The following KNDC1 variants were observed in gnomAD, a reference collection of about 807,000 sequenced individuals.
KNDC1 encodes kinase non-catalytic C-lobe domain containing 1.
A neutral mutation model predicts 172.8 loss-of-function variants in KNDC1; 106 were observed. The ratio of observed to expected loss-of-function variants is 0.61; its 90% CI spans 0.52 to 0.72. KNDC1 has a LOEUF of 0.72. Ranked by LOEUF, KNDC1 falls within the 30% of genes least tolerant of loss-of-function variation. The pLI, the probability that KNDC1 is intolerant of heterozygous loss-of-function variation, is 0.00. For synonymous variants in KNDC1, 1,083 were observed against 1,062.2 expected, an observed-to-expected ratio of 1.02 and a Z score of -0.38; for missense variants, 2,325 against 2,394.5, an observed-to-expected ratio of 0.97 and a Z score of 0.61.
chr10:133,167,705 G>A (rs1464222925), intron 2 of KNDC1, 126 bp downstream of exon 2: 1 of 1,063,378 alleles, frequency 9.4e-7, no homozygotes, highest in Non-Finnish European at 1.4e-6. Flanking sequence ...GGTTTCCTGT[G>A]GAGACCTTCT....
Position 133,224,958 on chromosome 10 carries a change from A to G in KNDC1, c.*68A>G. On this transcript the variant is annotated 3_prime_UTR_variant, in exon 30 of 30. Coordinates refer to ENST00000304613, the MANE Select transcript of KNDC1 (RefSeq NM_152643.8). The surrounding 1 kb of genome is among the most constrained non-coding windows in gnomAD (Gnocchi z 5.4). ...TGTGGGGGGCGGGCTGGGAGGTGGGAGCCGCGTCTCAGGCCCGGCCGTTAT... is the reference window on the plus strand; with the variant it reads ...TGTGGGGGGCGGGCTGGGAGGTGGGGGCCGCGTCTCAGGCCCGGCCGTTAT... The G allele has an allele frequency of 4.1e-5, 53 of 1,305,234 alleles. No individual in the cohort carries two copies. Among genetic ancestry groups the G allele is most frequent in the Non-Finnish European group, 4.9e-5 (45 of 919,928 alleles). 80.9% of individuals were successfully genotyped at this position (1,305,234 alleles called of 1,614,324 possible). A position where few individuals can be genotyped will look rare whatever the true frequency, so the allele number is the denominator to read the frequency against.
Position 133,189,658 on chromosome 10 carries a change from C to T in KNDC1, c.1502C>T (p.Pro501Leu), listed in dbSNP as rs1457542568. The T allele has an allele frequency of 2.5e-6, 4 of 1,613,830 alleles. No individual in the cohort carries two copies. The highest frequency in any genetic ancestry group is 2.7e-5 in the African/African-American group (2 of 74,928). ...GACGGGGCTGTGCTCTTCCAGCCAC[C>T]CCCTGCCAACGGTGAGTGTGTGGGT... is the stretch of plus-strand genomic sequence containing the variant. ...AEDGAVLFQP[P>L]PANGSYDSFF... Residue 501 changes from proline to leucine, a missense_variant, in exon 8 of 30, where the codon CCC (proline) becomes CTC (leucine). By Grantham distance (98) the Pro-to-Leu change is moderately conservative. Coordinates refer to ENST00000304613, the MANE Select transcript of KNDC1 (RefSeq NM_152643.8).
Position 133,186,403 on chromosome 10 carries a change from T to C in KNDC1, c.1055T>C (p.Leu352Pro). Residue 352 changes from leucine (L) to proline (P), a missense_variant, in exon 6 of 30, where the codon CTT (leucine) becomes CCT (proline). Transcript: ENST00000304613. ...GCCTTTCTGGACAGGAAAAATGGCC[T>C]TTCTAGCTTCCAGGCTCAGCCCAAA... ...RKAFLDRKNG[L>P]SSFQAQPKCR... The C allele has an allele frequency of 6.2e-7, 1 of 1,612,738 alleles. No homozygotes were observed. Among genetic ancestry groups the C allele is most frequent in the Non-Finnish European group, 8.5e-7 (1 of 1,179,936 alleles).
chr10:133,189,346 G>C (rs936396686), intron 7 of KNDC1, among the ~76,000 whole-genome samples: 1 of 152,228 alleles, frequency 6.6e-6, no homozygotes, highest in Non-Finnish European at 1.5e-5. Flanking sequence ...CTCCCTTTCA[G>C]CCGCAGATAT....
intron 3 of KNDC1, among the ~76,000 whole-genome samples, chr10:133,174,430 A>G (rs4240519): frequency 0.79 from 74,425 of 93,732 alleles, 31,391 homozygotes; most frequent in Middle Eastern, 0.91. Flanking sequence ...CTTCCAACAC[A>G]GAAGGAAGGG....
chr10:133,200,670 G>A (rs1240065634), intron 16 of KNDC1, among the ~76,000 whole-genome samples: 1 of 152,122 alleles, frequency 6.6e-6, no homozygotes, highest in Admixed American at 6.5e-5. Context: ...CCCAGCCAAA[G>A]GCCGTCCTCT....
At chr10:133,198,246 G>A in intron 12 of KNDC1, 91 bp from the exon 13 acceptor site, 2 of 1,400,436 alleles carry the variant, frequency 1.4e-6, no homozygotes, top group East Asian at 2.5e-5. Flanking sequence ...CACGCACTGG[G>A]TGGGATGAGC....
intron 3 of KNDC1, 147 bp downstream of exon 3, chr10:133,168,459 GC>G (rs1361893049): frequency 1.2e-6 from 1 of 813,086 alleles, no homozygotes; most frequent in Non-Finnish European, 2.1e-6. Flanking sequence ...GGTTCACTGG[GC>G]TATAGGGACG....
intron 29 of KNDC1, among the ~76,000 whole-genome samples, chr10:133,222,528 C>G (rs11816299): frequency 9.7e-5 from 4 of 41,414 alleles, no homozygotes; most frequent in Admixed American, 2.6e-4. Flanking sequence ...CAGGCATGCT[C>G]TTCCCGGCGT....
intron 21 of KNDC1, among the ~76,000 whole-genome samples, chr10:133,211,154 G>A (rs1030712195): frequency 6.6e-6 from 1 of 152,002 alleles, no homozygotes; most frequent in Non-Finnish European, 1.5e-5. Context: ...AGGGGGGAGG[G>A]GCTCTGCCTC....
intron 20 of KNDC1, 54 bp from the exon 21 acceptor site, chr10:133,210,557 A>G: frequency 9.5e-7 from 1 of 1,049,678 alleles, no homozygotes; most frequent in Non-Finnish European, 1.5e-6. Flanking sequence ...ACACTAGCCG[A>G]GCCCTGGGGT....
At chr10:133,195,903 G>A (rs1854178355) in intron 10 of KNDC1, 82 bp downstream of exon 10, 2 of 1,347,502 alleles carry the variant, frequency 1.5e-6, no homozygotes, top group South Asian at 1.5e-5. Flanking sequence ...GGGGGTGGAG[G>A]AGCACGGGCT....
intron 3 of KNDC1, among the ~76,000 whole-genome samples, chr10:133,177,526 A>G (rs1160104170): frequency 8.3e-6 from 1 of 120,874 alleles, no homozygotes; most frequent in Non-Finnish European, 1.9e-5. Flanking sequence ...ATGTGTGTGC[A>G]TGCACATAGT....
rs752822882 is a variant in KNDC1 at position 133,211,792 on chromosome 10, C to T, written c.4170C>T (p.Ala1390=). Residue 1390 remains alanine, a synonymous_variant, in exon 23 of 30, where the codon GCC becomes GCT. Coordinates refer to ENST00000304613, the MANE Select transcript of KNDC1 (RefSeq NM_152643.8). The part of the protein sequence containing the change: ...RGTDLENPRE[A]EEDARPFNAL... ...CAGACCTGGAGAACCCCAGGGAGGC[C>T]GAGGAGGATGCCAGACCCTTCAACG... 1.4e-5 allele frequency: 22 copies of T among 1,610,690 alleles called. No homozygotes were observed. The highest frequency in any genetic ancestry group is 2.2e-5 in the East Asian group (1 of 44,884).
At chr10:133,214,653 G>C (rs1273907992) in intron 26 of KNDC1, among the ~76,000 whole-genome samples, 1 of 152,252 alleles carries the variant, frequency 6.6e-6, no homozygotes, top group Non-Finnish European at 1.5e-5. Context: ...CCCACCCTGG[G>C]CTCCTCCTGG....
intron 26 of KNDC1, among the ~76,000 whole-genome samples, chr10:133,216,671 C>CA (rs930629624): frequency 3.1e-4 from 47 of 150,802 alleles, no homozygotes; most frequent in African/African-American, 1.0e-3. Flanking sequence ...GACCCTATCT[C>CA]AAAAAAAATA....
chr10:133,173,777 T>C (rs1292810918), intron 3 of KNDC1, among the ~76,000 whole-genome samples: 1 of 152,220 alleles, frequency 6.6e-6, no homozygotes, highest in Non-Finnish European at 1.5e-5. Context: ...CCTGCAGCGC[T>C]TGCCTTTGGT....
At chr10:133,195,920 G>A (rs1854178859) in intron 10 of KNDC1, 99 bp downstream of exon 10, 3 of 1,248,646 alleles carry the variant, frequency 2.4e-6, no homozygotes, top group Admixed American at 3.0e-5. Flanking sequence ...GGCTGCCAGT[G>A]TCCAGGTGAT....
At chr10:133,193,061 CAA>C (rs1294818819) in intron 9 of KNDC1, among the ~76,000 whole-genome samples, 1 of 150,120 alleles carries the variant, frequency 6.7e-6, no homozygotes, top group African/African-American at 2.4e-5. Context: ...AAATAAAAAA[CAA>C]AAAGAGAGAG....
Sources: allele counts gnomAD v4.1 joint callset (sites outside exome capture counted in the v4.1 genomes callset), GRCh38; gene constraint gnomAD v4.1.1; non-coding constraint Gnocchi (gnomAD v3.1); transcripts MANE v1.5; gene names NCBI Gene and HGNC (gene_info 2026-07-23, HGNC 2026-07-21).